Variants in PTPRG observed in about 807,000 individuals in gnomAD.
The protein encoded by PTPRG is receptor-type tyrosine-protein phosphatase gamma.
PTPRG carries 102 observed loss-of-function variants against 165.3 expected under a neutral mutation model. That is an observed-to-expected ratio of 0.62 (90% CI 0.53 to 0.73). The LOEUF (loss-of-function observed/expected upper bound fraction) is 0.73. Among genes scored for constraint, PTPRG ranks in the 30% least tolerant of loss-of-function variants. The pLI is 0.00. For missense variants in PTPRG, 1,866 were observed against 1,861.4 expected, an observed-to-expected ratio of 1.00 and a Z score of -0.05; for synonymous variants, 675 against 669.5, an observed-to-expected ratio of 1.01 and a Z score of -0.13.
intron 2 of PTPRG, among the ~76,000 whole-genome samples, chr3:61,779,307 A>T (rs552541006): frequency 2.6e-5 from 4 of 152,200 alleles, no homozygotes; most frequent in Non-Finnish European, 5.9e-5. Context: ...ATATAATGCT[A>T]TACAAGTAGG....
At chr3:61,990,018 A>G (rs916354375) in intron 3 of PTPRG, among the ~76,000 whole-genome samples, 1 of 152,074 alleles carries the variant, frequency 6.6e-6, no homozygotes, top group African/African-American at 2.4e-5. Flanking sequence ...TATAAACTAT[A>G]GATAATAAAG....
chr3:61,737,150 G>T (rs948766894), intron 1 of PTPRG, among the ~76,000 whole-genome samples: 4 of 152,076 alleles, frequency 2.6e-5, no homozygotes, highest in African/African-American at 9.6e-5. Flanking sequence ...CAACTAAAAT[G>T]ATGTTTCTTT....
chr3:62,201,563 A>T lies in PTPRG; in HGVS notation c.1377+9A>T. The T allele has an allele frequency of 6.2e-7, 1 of 1,608,342 alleles. No homozygotes were observed. Among genetic ancestry groups the T allele is most frequent in the Non-Finnish European group, 8.5e-7 (1 of 1,176,812 alleles). On this transcript the variant is annotated intron_variant, in intron 11 of 29. Coordinates refer to ENST00000474889, the MANE Select transcript of PTPRG (RefSeq NM_002841.4). The stretch of plus-strand genomic sequence containing the variant: ...TAGTGAAAACAGGAGTGGTAAGTAG[A>T]GAATGGGAAATTGCTTTGTCGTGGC...
chr3:61,940,907 G>C (rs1205187286), intron 2 of PTPRG, among the ~76,000 whole-genome samples: 1 of 151,956 alleles, frequency 6.6e-6, no homozygotes, highest in Non-Finnish European at 1.5e-5. Context: ...CTCATGATCC[G>C]CCCGCCTCGG....
intron 2 of PTPRG, among the ~76,000 whole-genome samples, chr3:61,884,986 C>T (rs1171556589): frequency 2.0e-5 from 3 of 152,286 alleles, no homozygotes; most frequent in South Asian, 2.1e-4. Context: ...TGCCCAGAGT[C>T]GCTTACAGAT....
rs750408395 is a variant in PTPRG at position 62,253,569 on chromosome 3, T to C, written c.2468-1555T>C. ...TCATTTTCATTGCCACTGATCATTATTGTAGAATTTGCTTCTAAACATTTT... is the reference window on the plus strand; with the variant it reads ...TCATTTTCATTGCCACTGATCATTACTGTAGAATTTGCTTCTAAACATTTT... On this transcript the variant is annotated intron_variant, in intron 15 of 29. Transcript: ENST00000474889. 5.1e-4 allele frequency among the ~76,000 whole-genome samples: 78 copies of C among 152,330 alleles called. No homozygotes were observed. The Middle Eastern group carries it at 0.01, about 20-fold the overall frequency.
intron 4 of PTPRG, among the ~76,000 whole-genome samples, chr3:62,052,861 C>T (rs1172133813): frequency 1.3e-5 from 2 of 152,094 alleles, no homozygotes; most frequent in African/African-American, 4.8e-5. Context: ...ATAAGGAAAA[C>T]ACCTTATCTG....
intron 1 of PTPRG, chr3:61,742,812 C>T (rs886279789): frequency 2.5e-6 from 4 of 1,605,954 alleles, no homozygotes; most frequent in Admixed American, 1.7e-5. Context: ...GCTTCTTGAC[C>T]AGTTTTTTAT....
intron 1 of PTPRG, among the ~76,000 whole-genome samples, chr3:61,630,490 T>A (rs774658530): frequency 1.3e-5 from 2 of 152,292 alleles, no homozygotes; most frequent in Non-Finnish European, 2.9e-5. Context: ...TTTTCCCAAG[T>A]AAAAGATGTT....
chr3:62,177,636 A>G (rs1705474688), intron 8 of PTPRG, among the ~76,000 whole-genome samples: 1 of 152,212 alleles, frequency 6.6e-6, no homozygotes, highest in South Asian at 2.1e-4. Context: ...CCCGTCTTGT[A>G]CTTTCCTTCC....
chr3:61,662,881 A>C (rs549446908), intron 1 of PTPRG, among the ~76,000 whole-genome samples: 21 of 152,364 alleles, frequency 1.4e-4, no homozygotes, highest in Non-Finnish European at 3.1e-4. Context: ...GCGGAAATGC[A>C]GGTGAGCAAG....
intron 8 of PTPRG, 132 bp downstream of exon 8, chr3:62,168,295 C>G (rs974782704): frequency 1.3e-5 from 11 of 863,920 alleles, no homozygotes; most frequent in Middle Eastern, 7.0e-4. Context: ...CTAAAGGGAG[C>G]CTGTCTGGCT....
chr3:61,804,142 A>G (rs907364078), intron 2 of PTPRG, among the ~76,000 whole-genome samples: 1 of 152,188 alleles, frequency 6.6e-6, no homozygotes, highest in African/African-American at 2.4e-5. Context: ...AGTCCTCTCT[A>G]TTGGTTTTCT....
chr3:61,653,948 A>G (rs537152420), intron 1 of PTPRG, among the ~76,000 whole-genome samples: 14 of 151,786 alleles, frequency 9.2e-5, no homozygotes, highest in African/African-American at 3.1e-4. Flanking sequence ...ATTAAGGTAC[A>G]TCATCTGTTA....
rs142400427 is a variant in PTPRG, at chr3:62,138,894, C to T, written c.682+6226C>T. Among the ~76,000 whole-genome samples the T allele has an allele frequency of 1.4e-3, 219 of 152,174 alleles. 1 individual carries two copies. Among genetic ancestry groups the T allele is most frequent in the Non-Finnish European group, 2.5e-3 (169 of 68,012 alleles). On this transcript the variant is annotated intron_variant, in intron 6 of 29. Coordinates refer to ENST00000474889, the MANE Select transcript of PTPRG (RefSeq NM_002841.4). ...GTCTTCCTTTTTATAGTGCTCACTC[C>T]AGGAAAATCCAGCAGGCTGTTTGTG...
chr3:61,583,779 C>T (rs1700363984), intron 1 of PTPRG, among the ~76,000 whole-genome samples: 1 of 152,182 alleles, frequency 6.6e-6, no homozygotes, highest in Non-Finnish European at 1.5e-5. Flanking sequence ...CCCTGAAGCT[C>T]AGAGCCACTC....
Position 61,958,027 on chromosome 3 carries a change from C to T in PTPRG, c.191-31598C>T, listed in dbSNP as rs186742970. ...TGGTTTGTTAGTTATCCTTTTTATT[C>T]TTCCAAGCAAACCATGTTAGACTTT... On this transcript the variant is annotated intron_variant, in intron 2 of 29. Coordinates refer to ENST00000474889, the MANE Select transcript of PTPRG (RefSeq NM_002841.4). Among the ~76,000 whole-genome samples the T allele has an allele frequency of 9.7e-4, 147 of 152,270 alleles. 1 individual carries two copies. The highest frequency in any genetic ancestry group is 3.4e-3 in the African/African-American group (140 of 41,568).
chr3:61,979,931 C>CT lies in PTPRG; in HGVS notation c.191-9683dup, dbSNP rs796877871. Among the ~76,000 whole-genome samples, 205 of 147,044 alleles carry CT rather than the reference C, an allele frequency of 1.4e-3. 4 individuals are homozygous for CT. The East Asian group carries it at 0.031, about 22-fold the overall frequency. The stretch of plus-strand genomic sequence containing the variant: ...TGCCTTGTAAAACTGCTTTTAATTT[C>CT]TTTTTTTTTTTCCTCTCAGCCTTTA... On this transcript the variant is annotated intron_variant, in intron 2 of 29. Coordinates refer to ENST00000474889, the MANE Select transcript of PTPRG (RefSeq NM_002841.4).
Position 61,655,853 on chromosome 3 carries a change from C to T in PTPRG, c.86-93025C>T, listed in dbSNP as rs920117168. ...GAACTCCTGGTCTCAAGCCATTCTCCTGTCTTGGCCAACCAATTGTGAAAC... is the reference window on the plus strand; with the variant it reads ...GAACTCCTGGTCTCAAGCCATTCTCTTGTCTTGGCCAACCAATTGTGAAAC... On this transcript the variant is annotated intron_variant, in intron 1 of 29. Transcript: ENST00000474889. Among the ~76,000 whole-genome samples the T allele has an allele frequency of 3.9e-5, 6 of 152,308 alleles. 1 individual carries two copies. The South Asian group carries it at 1.2e-3, about 32-fold the overall frequency.
Sources: allele counts gnomAD v4.1 joint callset (sites outside exome capture counted in the v4.1 genomes callset), GRCh38; gene constraint gnomAD v4.1.1; transcripts MANE v1.5; gene names NCBI Gene and HGNC (gene_info 2026-07-23, HGNC 2026-07-21).